ATRNL1: variants seen among roughly 807,000 people sequenced by gnomAD.
ATRNL1 encodes the protein attractin-like protein 1.
Under a neutral mutation model 182.7 loss-of-function variants are expected in ATRNL1, and 95 were observed. That is an observed-to-expected ratio of 0.52 (90% CI 0.44 to 0.62). The LOEUF (loss-of-function observed/expected upper bound fraction) is 0.62. ATRNL1 is among the 20% of genes least tolerant of loss of function. The pLI, the probability that ATRNL1 is intolerant of heterozygous loss-of-function variation, is 0.00. For synonymous variants in ATRNL1, 576 were observed against 568.3 expected, an observed-to-expected ratio of 1.01 and a Z score of -0.19; for missense variants, 1,471 against 1,679.5, an observed-to-expected ratio of 0.88 and a Z score of 2.17.
intron 26 of ATRNL1, among the ~76,000 whole-genome samples, chr10:115,657,002 A>T (rs1555036151): frequency 1.3e-5 from 2 of 152,190 alleles, no homozygotes; most frequent in African/African-American, 4.8e-5. Context: ...ATAATTAGAA[A>T]TATACCAGAG....
intron 28 of ATRNL1, among the ~76,000 whole-genome samples, chr10:115,899,760 A>G (rs1952305369): frequency 6.6e-6 from 1 of 152,146 alleles, no homozygotes; most frequent in Non-Finnish European, 1.5e-5. Context: ...TAGTTTTTCC[A>G]CTTTCCTGTA....
intron 13 of ATRNL1, among the ~76,000 whole-genome samples, chr10:115,270,359 A>ATATATATATTTTTTTTTT: frequency 7.0e-6 from 1 of 141,936 alleles, no homozygotes; most frequent in East Asian, 2.0e-4. Flanking sequence ...ATATATAAAC[A>ATATATATATTTTTTTTTT]AATATATAAA....
chr10:115,471,199 A>G (rs1229077932), intron 24 of ATRNL1, among the ~76,000 whole-genome samples: 1 of 150,850 alleles, frequency 6.6e-6, no homozygotes, highest in East Asian at 1.9e-4. Context: ...ACATATTATG[A>G]ATATGAAACA....
In ATRNL1 at chr10:115,316,882, T is replaced by G. The variant is rs555388463; in HGVS notation, c.3037+1146T>G. ...GTAGGTTGCCTGTTCATGCTGTTGA[T>G]AAGTTTCTTTTGCTGTGCAGAAACT... On this transcript the variant is annotated intron_variant, in intron 18 of 28. Transcript: ENST00000355044. Among the ~76,000 whole-genome samples the G allele has an allele frequency of 2.0e-5, 3 of 152,294 alleles. No individual in the cohort carries two copies. The South Asian group carries it at 6.2e-4, about 32-fold the overall frequency.
At chr10:115,817,872 G>T (rs1345777441) in intron 27 of ATRNL1, among the ~76,000 whole-genome samples, 1 of 64,552 alleles carries the variant, frequency 1.5e-5, no homozygotes. Context: ...TTGATTTTAC[G>T]TTGTGTTTTT....
intron 26 of ATRNL1, among the ~76,000 whole-genome samples, chr10:115,653,941 C>G (rs1555035027): frequency 6.6e-6 from 1 of 152,096 alleles, no homozygotes; most frequent in East Asian, 1.9e-4. Context: ...TGTGTAACTT[C>G]TGGAATCAAC....
chr10:115,739,898 CA>C (rs782558461), intron 27 of ATRNL1, among the ~76,000 whole-genome samples: 5 of 152,214 alleles, frequency 3.3e-5, no homozygotes, highest in Admixed American at 6.5e-5. Flanking sequence ...CATATAAAAT[CA>C]GTTACTAATT....
intron 5 of ATRNL1, among the ~76,000 whole-genome samples, chr10:115,139,027 G>A (rs1845643771): frequency 6.6e-6 from 1 of 152,094 alleles, no homozygotes; most frequent in Admixed American, 6.5e-5. Flanking sequence ...AAATCTCTAG[G>A]GCAGGGGCAA....
Position 115,134,207 on chromosome 10 carries a change from A to C in ATRNL1, c.829+4672A>C, listed in dbSNP as rs192868578. Reference sequence around the variant, plus strand: ...TAAGATCAGAGCAGAACTGAAGGAGATAGAGACACAAAACCCTTCAAAAAA... The same window carrying C: ...TAAGATCAGAGCAGAACTGAAGGAGCTAGAGACACAAAACCCTTCAAAAAA... On this transcript the variant is annotated intron_variant, in intron 5 of 28. Transcript: ENST00000355044. 4.1e-3 allele frequency among the ~76,000 whole-genome samples: 627 copies of C among 152,334 alleles called. 2 individuals carry two copies. Among genetic ancestry groups the C allele is most frequent in the African/African-American group, 0.013 (546 of 41,574 alleles).
intron 25 of ATRNL1, among the ~76,000 whole-genome samples, chr10:115,529,792 T>G (rs577579998): frequency 1.5e-4 from 23 of 152,258 alleles, no homozygotes; most frequent in African/African-American, 4.3e-4. Context: ...ATTCACCAAT[T>G]GAAAGTGCAC....
At chr10:115,918,084 C>G (rs1555117821) in intron 28 of ATRNL1, among the ~76,000 whole-genome samples, 1 of 142,658 alleles carries the variant, frequency 7.0e-6, no homozygotes, top group African/African-American at 2.6e-5. Context: ...TTACAGCAAT[C>G]TATTTTTTAG....
chr10:115,634,948 A>G (rs1016894610), intron 26 of ATRNL1, among the ~76,000 whole-genome samples: 1 of 152,126 alleles, frequency 6.6e-6, no homozygotes, highest in Non-Finnish European at 1.5e-5. Flanking sequence ...GAGTTTGAAA[A>G]AAAATTACAA....
intron 24 of ATRNL1, among the ~76,000 whole-genome samples, chr10:115,473,626 T>C (rs1554972539): frequency 1.3e-5 from 2 of 151,286 alleles, no homozygotes; most frequent in East Asian, 1.9e-4. Flanking sequence ...CTTCATCTTT[T>C]TGGAAGAGTT....
intron 27 of ATRNL1, among the ~76,000 whole-genome samples, chr10:115,748,063 G>A (rs1675586737): frequency 6.6e-6 from 1 of 151,984 alleles, no homozygotes; most frequent in Non-Finnish European, 1.5e-5. Flanking sequence ...TCAGACCATA[G>A]CAAGAGCGAC....
At position 115,241,565 on chromosome 10, in the gene ATRNL1, C is replaced by A; in HGVS notation, c.1533-6C>A. On this transcript the variant is annotated splice_polypyrimidine_tract_variant and splice_region_variant and intron_variant, in intron 9 of 28. Coordinates refer to ENST00000355044, the MANE Select transcript of ATRNL1 (RefSeq NM_207303.4). ...TTGTAATACATTTTTAAATTTTATT[C>A]TGTAGGACTATTTTGAAAGAAAGTG... 6.3e-7 allele frequency: 1 copy of A among 1,582,910 alleles called. No homozygotes were observed. Among genetic ancestry groups the A allele is most frequent in the Non-Finnish European group, 8.6e-7 (1 of 1,158,236 alleles).
chr10:115,688,994 T>C (rs1322582936), intron 26 of ATRNL1, among the ~76,000 whole-genome samples: 1 of 152,098 alleles, frequency 6.6e-6, no homozygotes, highest in African/African-American at 2.4e-5. Flanking sequence ...GAGATAGGGG[T>C]CCGAGTTTCA....
intron 21 of ATRNL1, among the ~76,000 whole-genome samples, chr10:115,437,557 A>G (rs1554964979): frequency 1.3e-5 from 2 of 151,960 alleles, no homozygotes; most frequent in African/African-American, 4.8e-5. Flanking sequence ...TTACTAAACA[A>G]TTGTCTAAGT....
intron 26 of ATRNL1, among the ~76,000 whole-genome samples, chr10:115,713,956 G>A (rs1555055565): frequency 6.6e-6 from 1 of 152,130 alleles, no homozygotes; most frequent in African/African-American, 2.4e-5. Context: ...TACTATGTTT[G>A]GTAACAGCAA....
intron 26 of ATRNL1, among the ~76,000 whole-genome samples, chr10:115,556,998 C>T (rs1357376815): frequency 6.6e-6 from 1 of 151,638 alleles, no homozygotes; most frequent in Non-Finnish European, 1.5e-5. Flanking sequence ...TTATTAAAGC[C>T]CTCAAATGTT....
Sources: gnomAD v4.1 joint callset for allele counts (sites outside exome capture counted in the v4.1 genomes callset) on GRCh38, gnomAD v4.1.1 for gene constraint, MANE v1.5 for transcripts, NCBI Gene and HGNC (gene_info 2026-07-23, HGNC 2026-07-21) for gene names.